TGM1: variants seen among roughly 807,000 people sequenced by gnomAD.
TGM1 encodes the protein protein-glutamine gamma-glutamyltransferase K.
Under a neutral mutation model 88.7 loss-of-function variants are expected in TGM1, and 63 were observed. That is an observed-to-expected ratio of 0.71 (90% CI 0.58 to 0.88). TGM1 has a LOEUF of 0.88. TGM1 is among the 40% of genes least tolerant of loss of function. The pLI, the probability that TGM1 is intolerant of heterozygous loss-of-function variation, is 0.00. For missense variants in TGM1, 996 were observed against 1,118.0 expected, an observed-to-expected ratio of 0.89 and a Z score of 1.56; for synonymous variants, 415 against 431.1, an observed-to-expected ratio of 0.96 and a Z score of 0.46.
chr14:24,262,932 G>C (rs988184040), intron 1 of TGM1, among the ~76,000 whole-genome samples, 157 bp downstream of exon 1: 1 of 152,262 alleles, frequency 6.6e-6, no homozygotes, highest in African/African-American at 2.4e-5. Flanking sequence ...CCCGGAGCCT[G>C]TGCACAGGGA....
intron 14 of TGM1, among the ~76,000 whole-genome samples, chr14:24,251,195 T>C (rs986466325): frequency 4.6e-5 from 7 of 152,180 alleles, no homozygotes; most frequent in African/African-American, 1.4e-4. Flanking sequence ...GGATATATAA[T>C]AGAACGTAGT....
rs1315083545 is a variant in TGM1 at position 24,260,451 on chromosome 14, T to C, written c.756A>G (p.Pro252=). The change falls in exon 4 of 15, where the codon CCA becomes CCG. Residue 252 remains proline, a splice_region_variant and synonymous_variant. Coordinates refer to ENST00000206765, the MANE Select transcript of TGM1 (RefSeq NM_000359.3). ...EIYILFNPWC[P]EDIVYVDHED... is the part of the protein sequence containing the mutation. ...CTGCTCCAGACCCCAGCTGCTCACC[T>C]GGGCACCAGGGGTTGAAGAGGATGT... The C allele has an allele frequency of 6.2e-7, 1 of 1,614,074 alleles. No individual in the cohort carries two copies. The highest frequency in any genetic ancestry group is 1.3e-5 in the African/African-American group (1 of 74,936).
intron 14 of TGM1, among the ~76,000 whole-genome samples, chr14:24,250,148 CTGTGTGTGTG>C (rs1158480309): frequency 1.3e-4 from 18 of 143,070 alleles, no homozygotes; most frequent in Admixed American, 4.1e-4. Context: ...CCTTATGTCT[CTGTGTGTGTG>C]TGTGTGTGTG....
In TGM1 at chr14:24,255,139, T is replaced by C; in HGVS notation, c.1760A>G (p.Asp587Gly). 6.2e-7 allele frequency: 1 copy of C among 1,614,086 alleles called. No individual in the cohort carries two copies. Residue 587 changes from aspartate (D) to glycine (G), a missense_variant, in exon 12 of 15, where the codon GAC becomes GGC. By Grantham distance (94) the Asp-to-Gly change is moderately conservative. Transcript: ENST00000206765. This position sits in a 1 kb window ranked among gnomAD's most constrained non-coding sequence, Gnocchi z 4.0. ...CATCAGATCCTGCCCCATCACCGCG[T>C]CCTGTGCCTCCACCTGCATGGCCAC... Reference protein sequence around the residue: ...EDVAMQVEAQDAVMGQDLMVS... With the variant: ...EDVAMQVEAQGAVMGQDLMVS...
intron 14 of TGM1, among the ~76,000 whole-genome samples, chr14:24,252,366 C>T (rs895543340): frequency 6.6e-6 from 1 of 152,240 alleles, no homozygotes; most frequent in Non-Finnish European, 1.5e-5. Context: ...CAACACTCAG[C>T]ACAGTGGCCC....
At position 24,258,374 on chromosome 14, in the gene TGM1, C is replaced by T. The variant is rs1555306089; in HGVS notation, c.1313G>A (p.Trp438Ter). The change falls in exon 9 of 15, where the codon TGG (tryptophan) becomes TAG (stop). Residue 438 changes from tryptophan to a stop codon, truncating the protein, a stop_gained. Transcript: ENST00000206765. LOFTEE classifies it high-confidence loss of function. ...CGGCCTCTTCATCCAGCAGTCGTTC[C>T]ACACATGGAAGTTCCTGGATGGACA... The part of the protein sequence containing the change: ...NHDSVWNFHV[W>*]NDCWMKRPDL... The T allele has an allele frequency of 6.2e-7, 1 of 1,614,136 alleles. No individual in the cohort carries two copies. Among genetic ancestry groups the T allele is most frequent in the Non-Finnish European group, 8.5e-7 (1 of 1,180,028 alleles).
intron 4 of TGM1, 49 bp downstream of exon 4, chr14:24,260,401 C>A (rs1417565820): frequency 6.2e-7 from 1 of 1,612,644 alleles, no homozygotes; most frequent in Non-Finnish European, 8.5e-7. Flanking sequence ...GAAGCCCTTC[C>A]CTGTCTTTCC....
At position 24,260,733 on chromosome 14, in the gene TGM1, C is replaced by A. The variant is rs377379296; in HGVS notation, c.509-35G>T. 18 of 1,613,766 alleles carry A rather than the reference C, an allele frequency of 1.1e-5. No homozygotes were observed. In the African/African-American group the frequency reaches 2.1e-4, roughly 19 times the overall value. On this transcript the variant is annotated intron_variant, in intron 3 of 14. Coordinates refer to ENST00000206765, the MANE Select transcript of TGM1 (RefSeq NM_000359.3). ...GAAATCAGCAATTAGCTGGCAAGGC[C>A]TCCCTGAGGAGAGGGGATGGAGCCT...
At position 24,259,331 on chromosome 14, in the gene TGM1, C is replaced by T. The variant is rs1467963193; in HGVS notation, c.985-82G>A. The T allele has an allele frequency of 2.9e-6, 4 of 1,380,610 alleles. No homozygotes were observed. Among genetic ancestry groups the T allele is most frequent in the Admixed American group, 2.0e-5 (1 of 51,096 alleles). The allele number at this position is 1,380,610 out of a possible 1,614,324, so 85.5% of individuals were successfully genotyped here. ...TGTGGTCCATGGGGACCAGCCGGGCCCCGATCCTGCAACCACCCCTTACCC... is the reference window on the plus strand; with the variant it reads ...TGTGGTCCATGGGGACCAGCCGGGCTCCGATCCTGCAACCACCCCTTACCC... On this transcript the variant is annotated intron_variant, in intron 6 of 14. Transcript: ENST00000206765. This position sits in a 1 kb window ranked among gnomAD's most constrained non-coding sequence, Gnocchi z 5.7.
chr14:24,249,344 G>A lies in TGM1; in HGVS notation c.2423C>T (p.Thr808Ile), dbSNP rs746118638. 4 of 1,613,820 alleles carry A rather than the reference G, an allele frequency of 2.5e-6. No homozygotes were observed. Among genetic ancestry groups the A allele is most frequent in the Non-Finnish European group, 2.5e-6 (3 of 1,179,998 alleles). The change falls in exon 15 of 15, where the codon ACC becomes ATC. Residue 808 changes from threonine (T) to isoleucine (I), a missense_variant. Thr to Ile is a moderately conservative substitution (Grantham distance 89). Coordinates refer to ENST00000206765, the MANE Select transcript of TGM1 (RefSeq NM_000359.3). ...DAGGDSHLGE[T>I]IPMASRGGA ...TCCACCTCGAGATGCCATAGGGATG[G>A]TCTCTCCTAAGTGACTGTCACCTCC...
At chr14:24,251,077 T>A (rs2040697250) in intron 14 of TGM1, among the ~76,000 whole-genome samples, 1 of 152,186 alleles carries the variant, frequency 6.6e-6, no homozygotes, top group Non-Finnish European at 1.5e-5. Context: ...GCTATTTAAC[T>A]TCTCTGTTCC....
In TGM1 at chr14:24,260,506, T is replaced by C. The variant is rs1261988615; in HGVS notation, c.701A>G (p.Gln234Arg). 5.0e-6 allele frequency: 8 copies of C among 1,613,662 alleles called. No homozygotes were observed. In the African/African-American group the frequency reaches 1.1e-4, roughly 22 times the overall value. The change falls in exon 4 of 15, where the codon CAG becomes CGG. Residue 234 changes from glutamine to arginine, a missense_variant. Transcript: ENST00000206765. ...VRTQSDAGEF[Q>R]LPFDPRNEIY... ...CTCATTGCGGGGGTCAAAGGGCAACTGGAACTCCCCAGCGTCTGATTGTGT... is the reference window on the plus strand; with the variant it reads ...CTCATTGCGGGGGTCAAAGGGCAACCGGAACTCCCCAGCGTCTGATTGTGT...
At position 24,259,815 on chromosome 14, in the gene TGM1, G is replaced by C. The variant is rs2040791862; in HGVS notation, c.877-4C>G. On this transcript the variant is annotated splice_region_variant and splice_polypyrimidine_tract_variant and intron_variant, in intron 5 of 14. Transcript: ENST00000206765. This position sits in a 1 kb window ranked among gnomAD's most constrained non-coding sequence, Gnocchi z 5.7. ...CATCCAGCACCCCGTGGTCAAACTG[G>C]AAGGAGGGATGGAGGGCAGAGGTGA... 6.2e-7 allele frequency: 1 copy of C among 1,612,876 alleles called. No individual in the cohort carries two copies. Among genetic ancestry groups the C allele is most frequent in the African/African-American group, 1.3e-5 (1 of 74,868 alleles).
At position 24,255,069 on chromosome 14, in the gene TGM1, C is replaced by T. The variant is rs2139019398; in HGVS notation, c.1830G>A (p.Val610=). The stretch of plus-strand genomic sequence containing the variant: ...TGACTGAGAGGTAGAGGTGCAGTTT[C>T]ACTGTGCGGCGGCTGCTGCTGTGAT... ...LINHSSSRRT[V]KLHLYLSVTF... The change falls in exon 12 of 15, where the codon GTG becomes GTA. Residue 610 remains valine (V), a synonymous_variant. Transcript: ENST00000206765. The surrounding 1 kb of genome is among the most constrained non-coding windows in gnomAD (Gnocchi z 4.0). 1 of 1,614,182 alleles carries T rather than the reference C, an allele frequency of 6.2e-7. No homozygotes were observed. The highest frequency in any genetic ancestry group is 8.5e-7 in the Non-Finnish European group (1 of 1,180,048).
At chr14:24,256,159 GC>G in intron 9 of TGM1, 82 bp from the exon 10 acceptor site, 1 of 1,196,324 alleles carries the variant, frequency 8.4e-7, no homozygotes, top group Non-Finnish European at 1.2e-6. Context: ...TCCACACAGG[GC>G]CCCAGCCCCA....
chr14:24,250,559 A>G (rs918398565), intron 14 of TGM1, among the ~76,000 whole-genome samples: 3 of 151,990 alleles, frequency 2.0e-5, no homozygotes, highest in Non-Finnish European at 4.4e-5. Flanking sequence ...TCACCTCCAC[A>G]GTCATGCTTT....
Position 24,254,295 on chromosome 14 carries a change from GAA to G in TGM1, c.2089-9_2089-8del. 1 of 1,613,982 alleles carries G rather than the reference GAA, an allele frequency of 6.2e-7. No individual in the cohort carries two copies. The highest frequency in any genetic ancestry group is 8.5e-7 in the Non-Finnish European group (1 of 1,180,000). Reference sequence around the variant, plus strand: ...CCACTGCTGCTCCCAGTAACTGAGAGAAAAAGAGGCCCATCCCCCACGTCAGA... The same window carrying G: ...CCACTGCTGCTCCCAGTAACTGAGAGAAAGAGGCCCATCCCCCACGTCAGA... On this transcript the variant is annotated splice_polypyrimidine_tract_variant and splice_region_variant and intron_variant, in intron 13 of 14. Coordinates refer to ENST00000206765, the MANE Select transcript of TGM1 (RefSeq NM_000359.3).
intron 8 of TGM1, 48 bp downstream of exon 8, chr14:24,258,487 C>T (rs756822111): frequency 1.2e-6 from 2 of 1,605,500 alleles, no homozygotes; most frequent in Non-Finnish European, 1.7e-6. Flanking sequence ...ACCTCCAAAG[C>T]TCAGGTCACC....
chr14:24,249,189 ACTCCCCCTCCGGGAG>A lies in TGM1; in HGVS notation c.*109_*123del. The A allele has an allele frequency of 1.4e-3, 1 of 702 alleles. No individual in the cohort carries two copies. Among genetic ancestry groups the A allele is most frequent in the East Asian group, 0.071 (1 of 14 alleles). 0.0% of individuals were successfully genotyped at this position (702 alleles called of 1,614,324 possible). On this transcript the variant is annotated 3_prime_UTR_variant, in exon 15 of 15. Coordinates refer to ENST00000206765, the MANE Select transcript of TGM1 (RefSeq NM_000359.3). ...CTGACTCCCTCTCCGGGAGCCCTGGACTCCCCCTCCGGGAGCCCTGGACTCCCCACCTGAGCTCCT... is the reference window on the plus strand; with the variant it reads ...CTGACTCCCTCTCCGGGAGCCCTGGACCCTGGACTCCCCACCTGAGCTCCT...
Sources: allele counts gnomAD v4.1 joint callset (sites outside exome capture counted in the v4.1 genomes callset), GRCh38; gene constraint gnomAD v4.1.1; non-coding constraint Gnocchi (gnomAD v3.1); transcripts MANE v1.5; gene names NCBI Gene and HGNC (gene_info 2026-07-23, HGNC 2026-07-21).